The following ABCA8 variants were observed in gnomAD, a reference collection of about 807,000 sequenced individuals.
ABCA8 encodes ABC-type organic anion transporter ABCA8.
Under a neutral mutation model 192.3 loss-of-function variants are expected in ABCA8, and 177 were observed. The observed-to-expected ratio is 0.92, with a 90% CI of 0.81 to 1.04. The LOEUF is 1.04. Among genes scored for constraint, ABCA8 ranks in the 50% least tolerant of loss-of-function variants. The pLI, the probability that ABCA8 is intolerant of heterozygous loss-of-function variation, is 0.00. For synonymous variants in ABCA8, 642 were observed against 690.2 expected (o/e 0.93, Z 1.09); for missense variants, 1,915 against 1,904.8 (o/e 1.01, Z -0.10).
intron 13 of ABCA8, among the ~76,000 whole-genome samples, chr17:68,920,623 G>A (rs72850266): frequency 1.8e-3 from 267 of 152,214 alleles, no homozygotes; most frequent in Non-Finnish European, 2.8e-3. Flanking sequence ...GTGTGTTTGT[G>A]ATTAACACTT....
chr17:68,870,809 G>A (rs2066028843), intron 37 of ABCA8, among the ~76,000 whole-genome samples: 1 of 152,156 alleles, frequency 6.6e-6, no homozygotes, highest in Admixed American at 6.5e-5. Context: ...GAAAATGTGG[G>A]TGCAGGTATC....
At chr17:68,918,331 T>C in intron 15 of ABCA8, 96 bp downstream of exon 15, 1 of 1,492,542 alleles carries the variant, frequency 6.7e-7, no homozygotes, top group Non-Finnish European at 9.0e-7. Context: ...ATGAATATTT[T>C]ATAACACATG....
chr17:68,915,082 A>T (rs1025509230), intron 17 of ABCA8, among the ~76,000 whole-genome samples: 2 of 152,160 alleles, frequency 1.3e-5, no homozygotes, highest in Non-Finnish European at 2.9e-5. Context: ...GGATATCCAT[A>T]TGCAGAAGAA....
rs187030539 is a variant in ABCA8 at position 68,871,807 on chromosome 17, A to G, written c.4632-2028T>C. On this transcript the variant is annotated intron_variant, in intron 37 of 39. Coordinates refer to ENST00000586539, the MANE Select transcript of ABCA8 (RefSeq NM_001288985.2). ...TGTTTGTCGGGATGCTGGTGTAACCAAACTTACTGTGCTGCCAATCATAAA... is the reference window on the plus strand; with the variant it reads ...TGTTTGTCGGGATGCTGGTGTAACCGAACTTACTGTGCTGCCAATCATAAA... Among the ~76,000 whole-genome samples the G allele has an allele frequency of 4.7e-4, 71 of 152,320 alleles. 2 individuals are homozygous for G. The highest frequency in any genetic ancestry group is 2.7e-3 in the Admixed American group (41 of 15,298).
At position 68,888,090 on chromosome 17, in the gene ABCA8, TAC is replaced by T. The variant is rs138718372; in HGVS notation, c.3145-586_3145-585del. On this transcript the variant is annotated intron_variant, in intron 24 of 39. Coordinates refer to ENST00000586539, the MANE Select transcript of ABCA8 (RefSeq NM_001288985.2). ...CACACTCCATATATATACACACACA[TAC>T]ACACACACACACACATATATAATTG... 8.5e-3 allele frequency among the ~76,000 whole-genome samples: 1,228 copies of T among 145,048 alleles called. 20 individuals are homozygous for T. The highest frequency in any genetic ancestry group is 0.028 in the African/African-American group (1,125 of 39,658).
At chr17:68,910,589 G>A (rs970428308) in intron 17 of ABCA8, among the ~76,000 whole-genome samples, 9 of 152,108 alleles carry the variant, frequency 5.9e-5, no homozygotes, top group African/African-American at 1.7e-4. Context: ...AAAAGACCTC[G>A]AGAGACACCA....
intron 37 of ABCA8, among the ~76,000 whole-genome samples, chr17:68,871,980 A>G (rs2143201002): frequency 6.6e-6 from 1 of 152,300 alleles, no homozygotes; most frequent in East Asian, 1.9e-4. Flanking sequence ...GTTAACTGTA[A>G]AAAAGCCTCA....
At chr17:68,924,117 T>G (rs537660890) in intron 11 of ABCA8, among the ~76,000 whole-genome samples, 12 of 151,950 alleles carry the variant, frequency 7.9e-5, no homozygotes, top group African/African-American at 2.4e-4. Flanking sequence ...TCCCAGCACT[T>G]TGTGAGGCCA....
chr17:68,919,140 A>C (rs917972089), intron 14 of ABCA8, among the ~76,000 whole-genome samples, 161 bp downstream of exon 14: 1 of 152,210 alleles, frequency 6.6e-6, no homozygotes, highest in Admixed American at 6.5e-5. Flanking sequence ...TGCTTGGCGC[A>C]TTGTAAATTA....
chr17:68,937,036 G>GACTCTT lies in ABCA8; in HGVS notation c.375_380dup (p.Arg126_Val127dup). ...GATATGAGTATGTATTAGTAAAGGT[G>GACTCTT]ACTCTTACTATTTCTTCAGGATAAT... On this transcript the variant is annotated inframe_insertion, in exon 5 of 40. Coordinates refer to ENST00000586539, the MANE Select transcript of ABCA8 (RefSeq NM_001288985.2). The GACTCTT allele has an allele frequency of 6.2e-7, 1 of 1,609,262 alleles. No homozygotes were observed. Among genetic ancestry groups the GACTCTT allele is most frequent in the East Asian group, 2.2e-5 (1 of 44,550 alleles).
intron 19 of ABCA8, among the ~76,000 whole-genome samples, chr17:68,903,809 A>G (rs1243663394): frequency 6.6e-6 from 1 of 152,174 alleles, no homozygotes. Flanking sequence ...TACATGTTCA[A>G]TGAAGCTACA....
intron 21 of ABCA8, among the ~76,000 whole-genome samples, chr17:68,902,283 T>C (rs552755423): frequency 1.1e-4 from 17 of 151,950 alleles, no homozygotes; most frequent in African/African-American, 3.9e-4. Context: ...TGCTGAGGAG[T>C]TGGGGGAGGG....
Position 68,922,256 on chromosome 17 carries a change from A to AT in ABCA8, c.1486dup (p.Ile496AsnfsTer10). The AT allele has an allele frequency of 1.7e-6, 1 of 575,046 alleles. No homozygotes were observed. Among genetic ancestry groups the AT allele is most frequent in the Non-Finnish European group, 2.3e-6 (1 of 436,992 alleles). The allele number at this position is 575,046 out of a possible 1,614,324, so 35.6% of individuals were successfully genotyped here. ...TTTTTTTTTACCTTTCAAGGCTTCT[A>AT]TTTTATCAGGCTTTCCTTTATATTC... On this transcript the variant is annotated frameshift_variant, in exon 12 of 40. Coordinates refer to ENST00000586539, the MANE Select transcript of ABCA8 (RefSeq NM_001288985.2). LOFTEE classifies it high-confidence loss of function.
At position 68,907,860 on chromosome 17, in the gene ABCA8, A is replaced by G. The variant is rs16973424; in HGVS notation, c.2158T>C (p.Cys720Arg). 1.1e-5 allele frequency: 17 copies of G among 1,584,372 alleles called. No homozygotes were observed. The highest frequency in any genetic ancestry group is 6.9e-5 in the African/African-American group (5 of 72,970). The change falls in exon 18 of 40, where the codon TGT (cysteine) becomes CGT (arginine). Residue 720 changes from cysteine (C) to arginine (R), a missense_variant. Coordinates refer to ENST00000586539, the MANE Select transcript of ABCA8 (RefSeq NM_001288985.2). ...YHLSLQLNEICVEENITSLVK... is the reference protein window; with the variant it reads ...YHLSLQLNEIRVEENITSLVK... ...AGTGATGTTATGTTTTCCTCAACAC[A>G]TATTTCATTTAACTGCAAGCTGGCA...
At chr17:68,953,648 A>G (rs1356052100) in intron 1 of ABCA8, among the ~76,000 whole-genome samples, 1 of 152,144 alleles carries the variant, frequency 6.6e-6, no homozygotes, top group Non-Finnish European at 1.5e-5. Context: ...TTCCAAGAGT[A>G]AAGCAGCCTA....
chr17:68,918,613 A>C lies in ABCA8; in HGVS notation c.1789-67T>G, dbSNP rs575713941. On this transcript the variant is annotated intron_variant, in intron 14 of 39. Coordinates refer to ENST00000586539, the MANE Select transcript of ABCA8 (RefSeq NM_001288985.2). ...TCCTTTTTTAAAAATTTATAAATAC[A>C]AGGCTGTAAAGTGTAAATGGTTAAA... The C allele has an allele frequency of 2.4e-4, 341 of 1,396,284 alleles. No individual in the cohort carries two copies. The African/African-American group carries it at 4.6e-3, about 19-fold the overall frequency. The allele number at this position is 1,396,284 out of a possible 1,614,324, so 86.5% of individuals were successfully genotyped here.
chr17:68,942,779 A>G (rs2068268647), intron 2 of ABCA8, among the ~76,000 whole-genome samples: 1 of 152,138 alleles, frequency 6.6e-6, no homozygotes, highest in Admixed American at 6.6e-5. Flanking sequence ...AGCCCTAGGA[A>G]GCCCTCTTGA....
chr17:68,954,872 G>A (rs1440551475), intron 1 of ABCA8, among the ~76,000 whole-genome samples: 1 of 152,078 alleles, frequency 6.6e-6, no homozygotes, highest in African/African-American at 2.4e-5. Flanking sequence ...AAACAACTCA[G>A]TCTTCCAACC....
chr17:68,945,034 G>A (rs1193009894), intron 2 of ABCA8: 1 of 152,226 alleles, frequency 6.6e-6, no homozygotes, highest in African/African-American at 2.4e-5. Flanking sequence ...CATATCTCAA[G>A]CACTGCACTG....
Sources: allele counts gnomAD v4.1 joint callset (sites outside exome capture counted in the v4.1 genomes callset), GRCh38; gene constraint gnomAD v4.1.1; transcripts MANE v1.5; gene names NCBI Gene and HGNC (gene_info 2026-07-23, HGNC 2026-07-21).